ASPH: variants seen among roughly 807,000 people sequenced by gnomAD.
ASPH encodes aspartate beta-hydroxylase, also known as aspartyl/asparaginyl beta-hydroxylase.
ASPH carries 100 observed loss-of-function variants against 118.4 expected under a neutral mutation model. That is an observed-to-expected ratio of 0.84 (90% CI 0.72 to 1.00). ASPH has a LOEUF of 1.00. ASPH is among the 50% of genes least tolerant of loss of function. The pLI, the probability that ASPH is intolerant of heterozygous loss-of-function variation, is 0.00. For missense variants in ASPH, 920 were observed against 919.5 expected (o/e 1.00, Z -0.01); for synonymous variants, 315 against 325.6 (o/e 0.97, Z 0.35).
chr8:61,625,592 T>A (rs891164935), intron 13 of ASPH: 1 of 983,868 alleles, frequency 1.0e-6, no homozygotes, highest in Non-Finnish European at 1.2e-6. Context: ...AGCTTTCCCC[T>A]CTCATTTAAA....
At chr8:61,566,845 T>G (rs1831871125) in intron 17 of ASPH, among the ~76,000 whole-genome samples, 1 of 152,224 alleles carries the variant, frequency 6.6e-6, no homozygotes, top group South Asian at 2.1e-4. Flanking sequence ...TAAACCATAA[T>G]GTTATTTCAC....
At chr8:61,578,306 C>T (rs558724806) in intron 15 of ASPH, 157 of 1,598,968 alleles carry the variant, frequency 9.8e-5, no homozygotes, top group Middle Eastern at 1.7e-4. Flanking sequence ...CGAGTGGGCC[C>T]GGTGCCCACA....
intron 21 of ASPH, among the ~76,000 whole-genome samples, chr8:61,542,582 T>C (rs1269283056): frequency 6.6e-6 from 1 of 152,190 alleles, no homozygotes; most frequent in Non-Finnish European, 1.5e-5. Flanking sequence ...AAACAATACA[T>C]ATTACATTTA....
intron 3 of ASPH, chr8:61,676,397 C>T (rs1825400169): frequency 7.4e-7 from 1 of 1,354,740 alleles, no homozygotes; most frequent in Non-Finnish European, 9.9e-7. Context: ...GAAGGGTGAT[C>T]TCAAAAGCGA....
rs550725442 is a variant in ASPH, at chr8:61,650,976, A to T, written c.490+74T>A. ...CCAATTAACCTTTAAATTTTAAAAC[A>T]AATGTCCAAGTCATTTTACATAACT... On this transcript the variant is annotated intron_variant, in intron 5 of 24. Coordinates refer to ENST00000379454, the MANE Select transcript of ASPH (RefSeq NM_004318.4). The T allele has an allele frequency of 4.9e-6, 7 of 1,439,984 alleles. No homozygotes were observed. The East Asian group carries it at 9.4e-5, about 19-fold the overall frequency. The allele number at this position is 1,439,984 out of a possible 1,614,324, so 89.2% of individuals were successfully genotyped here.
chr8:61,611,456 A>C (rs1370371915), intron 14 of ASPH, among the ~76,000 whole-genome samples: 1 of 152,246 alleles, frequency 6.6e-6, no homozygotes, highest in East Asian at 1.9e-4. Context: ...CAGAGGCATG[A>C]ATGCCAGGAG....
rs1317742932 is a variant in ASPH at position 61,518,134 on chromosome 8, T to C, written c.1901-11A>G. 1.9e-6 allele frequency: 3 copies of C among 1,607,074 alleles called. No homozygotes were observed. Among genetic ancestry groups the C allele is most frequent in the Admixed American group, 1.7e-5 (1 of 59,886 alleles). On this transcript the variant is annotated splice_polypyrimidine_tract_variant and intron_variant, in intron 22 of 24. Transcript: ENST00000379454. ...TTTCATTTCTTCTTCCTAGAATAAATAACATAATTGTTGGAAACAAATCAC... is the reference window on the plus strand; with the variant it reads ...TTTCATTTCTTCTTCCTAGAATAAACAACATAATTGTTGGAAACAAATCAC...
intron 1 of ASPH, among the ~76,000 whole-genome samples, chr8:61,702,716 T>C (rs1370685261): frequency 2.0e-5 from 3 of 152,232 alleles, no homozygotes; most frequent in Admixed American, 2.0e-4. Flanking sequence ...TCAGTTTTAC[T>C]CATGGATCTA....
chr8:61,514,859 C>T (rs951936894), intron 24 of ASPH, among the ~76,000 whole-genome samples: 1 of 151,956 alleles, frequency 6.6e-6, no homozygotes, highest in South Asian at 2.1e-4. Context: ...AACCACCTTG[C>T]CTGGTCCTAA....
At chr8:61,652,648 G>A (rs1050123709) in intron 4 of ASPH, among the ~76,000 whole-genome samples, 1 of 152,018 alleles carries the variant, frequency 6.6e-6, no homozygotes, top group African/African-American at 2.4e-5. Context: ...GGGTCAAGAG[G>A]GGTTTTATTT....
chr8:61,628,090 A>T (rs1853752036), intron 13 of ASPH, among the ~76,000 whole-genome samples: 1 of 151,784 alleles, frequency 6.6e-6, no homozygotes, highest in South Asian at 2.1e-4. Context: ...AACTTCTCAA[A>T]TTGAGATTAG....
At chr8:61,665,700 C>CCTG in intron 3 of ASPH, 1 of 1,313,542 alleles carries the variant, frequency 7.6e-7, no homozygotes, top group Non-Finnish European at 1.0e-6. Context: ...CTCTTTTTAT[C>CCTG]TCTCCACACA....
rs147131861 is a variant in ASPH at position 61,512,601 on chromosome 8, T to C, written c.2126+4927A>G. Among the ~76,000 whole-genome samples the C allele has an allele frequency of 2.1e-3, 315 of 152,326 alleles. 1 individual carries two copies. The highest frequency in any genetic ancestry group is 3.4e-3 in the Middle Eastern group (1 of 294). ...TTGTTGTAAGTCATTCAGTTTGTGATAATTTGTTGTGGCAGCCTTAGGAAA... is the reference window on the plus strand; with the variant it reads ...TTGTTGTAAGTCATTCAGTTTGTGACAATTTGTTGTGGCAGCCTTAGGAAA... On this transcript the variant is annotated intron_variant, in intron 24 of 24. Transcript: ENST00000379454.
At chr8:61,538,877 G>A (rs1488935652) in intron 21 of ASPH, among the ~76,000 whole-genome samples, 2 of 152,192 alleles carry the variant, frequency 1.3e-5, no homozygotes, top group East Asian at 3.9e-4. Flanking sequence ...TGAAAAACTG[G>A]GAAAAGAATG....
chr8:61,557,604 C>A (rs1467005046), intron 18 of ASPH, among the ~76,000 whole-genome samples: 2 of 152,190 alleles, frequency 1.3e-5, no homozygotes, highest in Admixed American at 1.3e-4. Flanking sequence ...ACCGTCTGAC[C>A]TAGTATACTT....
At chr8:61,593,593 G>T (rs1841779771) in intron 14 of ASPH, among the ~76,000 whole-genome samples, 1 of 152,160 alleles carries the variant, frequency 6.6e-6, no homozygotes, top group Non-Finnish European at 1.5e-5. Flanking sequence ...ATTCTGCTGG[G>T]AGCATTCAAT....
intron 4 of ASPH, chr8:61,651,454 GATAAA>G (rs1229660477): frequency 1.9e-5 from 4 of 212,474 alleles, no homozygotes; most frequent in Non-Finnish European, 2.8e-5. Flanking sequence ...TCGCAATAAT[GATAAA>G]ATAAAGTGGG....
chr8:61,695,734 T>C (rs960002789), intron 1 of ASPH, among the ~76,000 whole-genome samples: 11 of 152,252 alleles, frequency 7.2e-5, no homozygotes, highest in South Asian at 2.1e-4. Flanking sequence ...CGTTCATTAC[T>C]GTACACTTCC....
chr8:61,665,623 T>A (rs1293931533), intron 3 of ASPH: 2 of 1,546,408 alleles, frequency 1.3e-6, no homozygotes, highest in Admixed American at 2.3e-5. Flanking sequence ...GATTTTCCAA[T>A]TAAAGGAAAA....
Sources: allele counts gnomAD v4.1 joint callset (sites outside exome capture counted in the v4.1 genomes callset), GRCh38; gene constraint gnomAD v4.1.1; transcripts MANE v1.5; gene names NCBI Gene and HGNC (gene_info 2026-07-23, HGNC 2026-07-21).